FHIT: variants seen among roughly 807,000 people sequenced by gnomAD.
FHIT encodes fragile histidine triad diadenosine triphosphatase.
In FHIT, 19 loss-of-function variants were observed where a neutral mutation model predicts 17.9. The ratio of observed to expected loss-of-function variants is 1.06; its 90% CI spans 0.74 to 1.56. The LOEUF is 1.56. FHIT is among the 40% of genes most tolerant of loss of function. The pLI is 0.00. For missense variants in FHIT, 248 were observed against 189.2 expected (o/e 1.31, Z -1.82); for synonymous variants, 81 against 69.7 (o/e 1.16, Z -0.81).
chr3:60,466,737 C>T (rs1559937946), intron 5 of FHIT, among the ~76,000 whole-genome samples: 2 of 150,502 alleles, frequency 1.3e-5, no homozygotes, highest in Admixed American at 1.3e-4. Flanking sequence ...ATGATAAATG[C>T]TTTTTTTAAT....
chr3:60,763,639 G>A (rs533962509), intron 4 of FHIT, among the ~76,000 whole-genome samples: 1 of 152,306 alleles, frequency 6.6e-6, no homozygotes, highest in Admixed American at 6.5e-5. Context: ...AACACATGGC[G>A]ATGAGCTGTG....
In FHIT at chr3:60,635,803, G is replaced by A. The variant is rs147590536; in HGVS notation, c.-17-98824C>T. Among the ~76,000 whole-genome samples the A allele has an allele frequency of 1.2e-4, 19 of 152,230 alleles. No individual in the cohort carries two copies. The East Asian group carries it at 3.5e-3, about 28-fold the overall frequency. On this transcript the variant is annotated intron_variant, in intron 4 of 9. Coordinates refer to ENST00000492590, the MANE Select transcript of FHIT (RefSeq NM_002012.4). ...GGGATAAATGTCCAAGAGCAGGGTT[G>A]GCAAACTTTTCCCTTAAACGGGCAG...
At chr3:59,881,996 T>G (rs938249984) in intron 8 of FHIT, among the ~76,000 whole-genome samples, 1 of 152,236 alleles carries the variant, frequency 6.6e-6, no homozygotes, top group African/African-American at 2.4e-5. Context: ...ATTATTCACA[T>G]GAAGAACTTT....
At chr3:60,382,940 T>TAAGA (rs1700866455) in intron 5 of FHIT, among the ~76,000 whole-genome samples, 1 of 152,172 alleles carries the variant, frequency 6.6e-6, no homozygotes, top group African/African-American at 2.4e-5. Context: ...ACAGACCTCT[T>TAAGA]GGTAATGTCA....
At chr3:61,208,318 A>G (rs2039324668) in intron 1 of FHIT, among the ~76,000 whole-genome samples, 1 of 152,022 alleles carries the variant, frequency 6.6e-6, no homozygotes, top group Admixed American at 6.6e-5. Context: ...AGTTCTCTAG[A>G]TGTCTATTAG....
At chr3:61,042,993 C>G (rs1297788590) in intron 2 of FHIT, among the ~76,000 whole-genome samples, 1 of 152,014 alleles carries the variant, frequency 6.6e-6, no homozygotes, top group Non-Finnish European at 1.5e-5. Flanking sequence ...GGAGAGGTTC[C>G]AAGATGGCCG....
intron 4 of FHIT, among the ~76,000 whole-genome samples, chr3:60,541,896 A>G (rs966384286): frequency 3.3e-5 from 5 of 152,220 alleles, no homozygotes; most frequent in African/African-American, 4.8e-5. Context: ...TTGATGAGCT[A>G]CTATTATCAT....
chr3:60,807,933 C>T (rs1701454099), intron 4 of FHIT, among the ~76,000 whole-genome samples: 2 of 152,200 alleles, frequency 1.3e-5, no homozygotes, highest in African/African-American at 4.8e-5. Context: ...ACCTCACTAG[C>T]AGGAATCATC....
intron 4 of FHIT, among the ~76,000 whole-genome samples, chr3:60,651,695 T>A (rs925880048): frequency 5.3e-5 from 8 of 152,218 alleles, no homozygotes; most frequent in Non-Finnish European, 1.0e-4. Context: ...GTATATTTTG[T>A]ATAAGCTCTA....
chr3:59,907,680 G>T (rs996293872), intron 8 of FHIT, among the ~76,000 whole-genome samples: 7 of 152,218 alleles, frequency 4.6e-5, no homozygotes, highest in Admixed American at 1.3e-4. Flanking sequence ...GAATCCTGAG[G>T]TTGGGTAATA....
At chr3:60,583,460 A>G (rs2037811527) in intron 4 of FHIT, among the ~76,000 whole-genome samples, 1 of 151,998 alleles carries the variant, frequency 6.6e-6, no homozygotes, top group African/African-American at 2.4e-5. Flanking sequence ...TGTAGCATGA[A>G]AGCAGCCAGA....
At chr3:60,947,369 G>A (rs563885542) in intron 3 of FHIT, among the ~76,000 whole-genome samples, 2 of 152,076 alleles carry the variant, frequency 1.3e-5, no homozygotes, top group Non-Finnish European at 2.9e-5. Flanking sequence ...TGACTATCGC[G>A]TGTTTTCTAA....
At chr3:60,790,496 G>T (rs1344871176) in intron 4 of FHIT, among the ~76,000 whole-genome samples, 3 of 152,056 alleles carry the variant, frequency 2.0e-5, no homozygotes, top group Non-Finnish European at 4.4e-5. Flanking sequence ...ATCACAACAG[G>T]ATCATGATTG....
At chr3:60,700,268 G>C (rs2041215429) in intron 4 of FHIT, among the ~76,000 whole-genome samples, 1 of 151,678 alleles carries the variant, frequency 6.6e-6, no homozygotes, top group Non-Finnish European at 1.5e-5. Flanking sequence ...ACAATTACTT[G>C]TTTATCCTTC....
chr3:61,148,524 T>A (rs1396722691), intron 2 of FHIT, among the ~76,000 whole-genome samples: 4 of 152,288 alleles, frequency 2.6e-5, no homozygotes, highest in African/African-American at 9.6e-5. Context: ...ATATTGTATA[T>A]ATTTGTTGTT....
chr3:60,063,652 T>C (rs1236134054), intron 5 of FHIT, among the ~76,000 whole-genome samples: 2 of 152,240 alleles, frequency 1.3e-5, no homozygotes, highest in African/African-American at 4.8e-5. Flanking sequence ...GAACATTTCT[T>C]GCATATCCAG....
chr3:59,911,147 T>C (rs530867882), intron 8 of FHIT, among the ~76,000 whole-genome samples: 13 of 152,216 alleles, frequency 8.5e-5, no homozygotes, highest in Non-Finnish European at 1.6e-4. Context: ...ATATTATTCA[T>C]AAAAACTCAT....
At chr3:60,639,177 G>A (rs1056541850) in intron 4 of FHIT, among the ~76,000 whole-genome samples, 3 of 151,474 alleles carry the variant, frequency 2.0e-5, no homozygotes, top group Admixed American at 6.6e-5. Flanking sequence ...AATAAACCAA[G>A]TAGAAAGCAG....
At chr3:60,805,678 C>T (rs190580154) in intron 4 of FHIT, among the ~76,000 whole-genome samples, 6 of 152,214 alleles carry the variant, frequency 3.9e-5, no homozygotes, top group African/African-American at 1.2e-4. Context: ...GCCTTAGCCT[C>T]CCGAGGAGCT....
Sources: allele counts gnomAD v4.1 joint callset (sites outside exome capture counted in the v4.1 genomes callset), GRCh38; gene constraint gnomAD v4.1.1; transcripts MANE v1.5; gene names NCBI Gene and HGNC (gene_info 2026-07-23, HGNC 2026-07-21).